Variants in PPP1R42 observed in about 807,000 individuals in gnomAD.
PPP1R42 encodes the protein leucine rich repeat containing 67.
Under a neutral mutation model 31.0 loss-of-function variants are expected in PPP1R42, and 34 were observed. The ratio of observed to expected loss-of-function variants is 1.10; its 90% CI spans 0.83 to 1.46. PPP1R42 has a LOEUF of 1.46. PPP1R42 is among the 40% of genes most tolerant of loss of function. The pLI, the probability that PPP1R42 is intolerant of heterozygous loss-of-function variation, is 0.00. For missense variants in PPP1R42, 268 were observed against 303.0 expected (o/e 0.88, Z 0.86); for synonymous variants, 103 against 109.8 (o/e 0.94, Z 0.39).
chr8:66,994,493 A>G (rs1308635673), intron 5 of PPP1R42, among the ~76,000 whole-genome samples: 1 of 152,234 alleles, frequency 6.6e-6, no homozygotes, highest in Admixed American at 6.5e-5. Flanking sequence ...GAAAGATTCA[A>G]AGTTGTTTAA....
chr8:66,994,208 A>G (rs1289181434), intron 5 of PPP1R42, among the ~76,000 whole-genome samples: 1 of 152,126 alleles, frequency 6.6e-6, no homozygotes, highest in East Asian at 1.9e-4. Flanking sequence ...AGGAGGGCCA[A>G]AAGTTGCTTG....
intron 5 of PPP1R42, among the ~76,000 whole-genome samples, chr8:67,001,289 G>A (rs988651995): frequency 3.4e-5 from 5 of 147,614 alleles, no homozygotes; most frequent in Non-Finnish European, 7.4e-5. Flanking sequence ...GGGCTCAAGT[G>A]ATCCTCCCAC....
chr8:67,026,335 TC>T (rs1355921623), intron 1 of PPP1R42, among the ~76,000 whole-genome samples: 5 of 147,224 alleles, frequency 3.4e-5, no homozygotes, highest in Non-Finnish European at 7.4e-5. Context: ...TGAAACTCCA[TC>T]TCAAAAAAAA....
At chr8:67,005,839 ATTG>A (rs1199327710) in intron 5 of PPP1R42, among the ~76,000 whole-genome samples, 1 of 151,920 alleles carries the variant, frequency 6.6e-6, no homozygotes, top group East Asian at 1.9e-4. Context: ...GCAATAGAGA[ATTG>A]TTTTTTTTTT....
At chr8:67,017,884 A>T in intron 1 of PPP1R42, 53 bp from the exon 2 acceptor site, 1 of 902,606 alleles carries the variant, frequency 1.1e-6, no homozygotes, top group Non-Finnish European at 1.5e-6. Context: ...TTTAAGGAAA[A>T]GTTATTCTGA....
At position 67,011,581 on chromosome 8, in the gene PPP1R42, C is replaced by A. The variant is rs775559992; in HGVS notation, c.436-750G>T. ...TTATTTTACTAAATAGGAAACATGACCAGGAATAAAATAATATCTGGTTTT... is the reference window on the plus strand; with the variant it reads ...TTATTTTACTAAATAGGAAACATGAACAGGAATAAAATAATATCTGGTTTT... On this transcript the variant is annotated intron_variant, in intron 4 of 7. Transcript: ENST00000685739. 7.9e-5 allele frequency among the ~76,000 whole-genome samples: 12 copies of A among 152,186 alleles called. No individual in the cohort carries two copies. In the South Asian group the frequency reaches 8.3e-4, roughly 10 times the overall value.
chr8:66,970,646 C>G (rs1814511825), intron 7 of PPP1R42, among the ~76,000 whole-genome samples: 1 of 152,316 alleles, frequency 6.6e-6, no homozygotes, highest in East Asian at 1.9e-4. Context: ...TCATCATCAG[C>G]TAGGCCTCAG....
chr8:66,977,769 G>A (rs1259458935), intron 7 of PPP1R42, among the ~76,000 whole-genome samples: 1 of 152,156 alleles, frequency 6.6e-6, no homozygotes, highest in Non-Finnish European at 1.5e-5. Context: ...GCCTCCAAAA[G>A]TGCTGGGATT....
intron 5 of PPP1R42, among the ~76,000 whole-genome samples, chr8:66,998,206 T>C (rs1161892360): frequency 6.6e-6 from 1 of 152,234 alleles, no homozygotes; most frequent in African/African-American, 2.4e-5. Context: ...TCTCTCTCCA[T>C]TTATGTAGAT....
At chr8:67,003,927 A>G (rs976062715) in intron 5 of PPP1R42, among the ~76,000 whole-genome samples, 1 of 152,116 alleles carries the variant, frequency 6.6e-6, no homozygotes, top group Non-Finnish European at 1.5e-5. Flanking sequence ...CGTCTCTACT[A>G]AAAGTACAAA....
At chr8:67,026,076 T>C (rs1344221859) in intron 1 of PPP1R42, among the ~76,000 whole-genome samples, 2 of 142,892 alleles carry the variant, frequency 1.4e-5, no homozygotes, top group South Asian at 2.3e-4. Flanking sequence ...TGGCTCATGA[T>C]TGTAATCCCA....
chr8:67,017,928 A>AGCTTATCAAATAG, intron 1 of PPP1R42, 97 bp from the exon 2 acceptor site: 1 of 524,472 alleles, frequency 1.9e-6, no homozygotes, highest in Non-Finnish European at 2.9e-6. Context: ...ATATGAAACT[A>AGCTTATCAAATAG]TTTGATAAGC....
intron 5 of PPP1R42, among the ~76,000 whole-genome samples, chr8:67,001,223 A>T (rs866047852): frequency 6.0e-4 from 82 of 137,150 alleles, no homozygotes; most frequent in African/African-American, 2.0e-3. Flanking sequence ...GTACCATTGG[A>T]TTTTTTTTTT....
At chr8:67,016,393 G>A (rs961069972) in intron 2 of PPP1R42, among the ~76,000 whole-genome samples, 3 of 152,174 alleles carry the variant, frequency 2.0e-5, no homozygotes, top group Non-Finnish European at 4.4e-5. Context: ...AGCATTTACT[G>A]TAGACAACAG....
chr8:66,966,282 C>G (rs574987897), intron 7 of PPP1R42, among the ~76,000 whole-genome samples: 8 of 152,184 alleles, frequency 5.3e-5, no homozygotes, highest in African/African-American at 1.9e-4. Context: ...TTATCCCTTC[C>G]TGTTCCTAAG....
intron 5 of PPP1R42, among the ~76,000 whole-genome samples, chr8:66,990,032 TAAG>T (rs1440854430): frequency 1.3e-5 from 2 of 152,244 alleles, no homozygotes; most frequent in African/African-American, 4.8e-5. Context: ...TATTGACAAA[TAAG>T]TAGTTGACTT....
At chr8:66,970,893 G>T in intron 7 of PPP1R42, 1 of 943,642 alleles carries the variant, frequency 1.1e-6, no homozygotes, top group Non-Finnish European at 1.6e-6. Context: ...GAGACAGATT[G>T]GATGGCCTCT....
intron 2 of PPP1R42, among the ~76,000 whole-genome samples, chr8:67,014,963 G>A (rs927887815): frequency 2.6e-5 from 4 of 152,048 alleles, no homozygotes; most frequent in African/African-American, 9.7e-5. Flanking sequence ...GTCAACTATT[G>A]TGGTTTATAA....
intron 7 of PPP1R42, among the ~76,000 whole-genome samples, chr8:66,974,678 G>A (rs1017278452): frequency 1.3e-5 from 2 of 152,156 alleles, no homozygotes; most frequent in Admixed American, 6.5e-5. Flanking sequence ...CCATTTGTAT[G>A]TCTTCTTTGG....
Sources: allele counts gnomAD v4.1 joint callset (sites outside exome capture counted in the v4.1 genomes callset), GRCh38; gene constraint gnomAD v4.1.1; transcripts MANE v1.5; gene names NCBI Gene and HGNC (gene_info 2026-07-23, HGNC 2026-07-21).